Variants in TAB1 observed in about 807,000 individuals in gnomAD.
TAB1 encodes the protein TGF-beta activated kinase 1 (MAP3K7) binding protein 1, also known as TGF-beta-activated kinase 1 and MAP3K7-binding protein 1.
Under a neutral mutation model 54.5 loss-of-function variants are expected in TAB1, and 30 were observed. The observed-to-expected ratio is 0.55, with a 90% CI of 0.41 to 0.75. The LOEUF (loss-of-function observed/expected upper bound fraction) is 0.75, where lower values mean the gene tolerates loss of function less well. Ranked by LOEUF, TAB1 falls within the 30% of genes least tolerant of loss-of-function variation. The pLI is 0.00. For missense variants in TAB1, 609 were observed against 683.2 expected, an observed-to-expected ratio of 0.89 and a Z score of 1.21; for synonymous variants, 289 against 286.9, an observed-to-expected ratio of 1.01 and a Z score of -0.07.
chr22:39,399,785 C>G lies in TAB1; in HGVS notation c.-18C>G. ...TGCTCTGCGGGGAGGCGGGCGCTCC[C>G]GCAGGGGTTCCTCCAAGATGGCGGC... On this transcript the variant is annotated 5_prime_UTR_variant, in exon 1 of 11. Transcript: ENST00000216160. The G allele has an allele frequency of 6.3e-7, 1 of 1,583,846 alleles. No individual in the cohort carries two copies. The highest frequency in any genetic ancestry group is 8.6e-7 in the Non-Finnish European group (1 of 1,165,518).
rs1359172720 is a variant in TAB1 at position 39,403,917 on chromosome 22, T to G, written c.33+4082T>G. On this transcript the variant is annotated intron_variant, in intron 1 of 10. Coordinates refer to ENST00000216160, the MANE Select transcript of TAB1 (RefSeq NM_006116.3). Reference sequence around the variant, plus strand: ...CCTCGGCCTCCCAAAGTGCTGGGATTACAGGCGTGAGCCACCGTGCCCGGC... The same window carrying G: ...CCTCGGCCTCCCAAAGTGCTGGGATGACAGGCGTGAGCCACCGTGCCCGGC... Among the ~76,000 whole-genome samples, 3 of 152,138 alleles carry G rather than the reference T, an allele frequency of 2.0e-5. No homozygotes were observed. The East Asian group carries it at 5.8e-4, about 29-fold the overall frequency.
Position 39,430,629 on chromosome 22 carries a change from A to G in TAB1, c.*407A>G, listed in dbSNP as rs1233920561. On this transcript the variant is annotated 3_prime_UTR_variant, in exon 11 of 11. Transcript: ENST00000216160. ...CTGTCCCAAGCCCACCCCTCCTCCC[A>G]CCATCACCTCCCTCACCTCGGGACA... 7.2e-5 allele frequency: 65 copies of G among 901,348 alleles called. No homozygotes were observed. Among genetic ancestry groups the G allele is most frequent in the Non-Finnish European group, 8.9e-5 (64 of 720,954 alleles). The allele number at this position is 901,348 out of a possible 1,614,324, so 55.8% of individuals were successfully genotyped here. A position where few individuals can be genotyped will look rare whatever the true frequency, so the allele number is the denominator to read the frequency against.
At chr22:39,406,839 T>C (rs1926388452) in intron 1 of TAB1, among the ~76,000 whole-genome samples, 1 of 152,204 alleles carries the variant, frequency 6.6e-6, no homozygotes, top group Admixed American at 6.5e-5. Flanking sequence ...TTCACCGTGT[T>C]AGCCAGGATG....
downstream of TAB1, chr22:39,433,307 C>T (rs905551587): frequency 1.1e-5 from 9 of 797,918 alleles, no homozygotes; most frequent in South Asian, 1.1e-4. Flanking sequence ...AAAAGTTAGC[C>T]GGATGTGGTG....
chr22:39,433,054 C>G (rs767151362), downstream of TAB1: 2 of 985,438 alleles, frequency 2.0e-6, no homozygotes, highest in Non-Finnish European at 2.4e-6. Context: ...GTGGCCCTCT[C>G]CAGCCTGTCT....
At chr22:39,420,808 TGTGTGTGTGTTTGTC>T (rs1927042481) in intron 7 of TAB1, among the ~76,000 whole-genome samples, 5 of 148,342 alleles carry the variant, frequency 3.4e-5, no homozygotes, top group Non-Finnish European at 4.5e-5. Context: ...TGTGTGTGTG[TGTGTGTGTGTTTGTC>T]CTGGGGGCCA....
chr22:39,414,281 CAG>C (rs1188989908), intron 1 of TAB1, among the ~76,000 whole-genome samples: 1 of 152,082 alleles, frequency 6.6e-6, no homozygotes, highest in Non-Finnish European at 1.5e-5. Flanking sequence ...AGGCAAAGAG[CAG>C]GGGATGGACA....
rs771066613 is a variant in TAB1 at position 39,415,666 on chromosome 22, G to C, written c.324+13G>C. 2.5e-6 allele frequency: 4 copies of C among 1,601,756 alleles called. No individual in the cohort carries two copies. Among genetic ancestry groups the C allele is most frequent in the Non-Finnish European group, 2.5e-6 (3 of 1,177,116 alleles). ...TGTGCTGCTGCAGGTAATGGTGCCGGGGCCAACAGTGACCCAGCCACATCA... is the reference window on the plus strand; with the variant it reads ...TGTGCTGCTGCAGGTAATGGTGCCGCGGCCAACAGTGACCCAGCCACATCA... On this transcript the variant is annotated intron_variant, in intron 3 of 10. Coordinates refer to ENST00000216160, the MANE Select transcript of TAB1 (RefSeq NM_006116.3). The surrounding 1 kb of genome is among the most constrained non-coding windows in gnomAD (Gnocchi z 4.9).
intron 1 of TAB1, among the ~76,000 whole-genome samples, chr22:39,400,536 T>C (rs1601678871): frequency 6.6e-6 from 1 of 152,234 alleles, no homozygotes; most frequent in Admixed American, 6.5e-5. Context: ...GTCTTCAGAC[T>C]CATCCCTACC....
intron 1 of TAB1, among the ~76,000 whole-genome samples, chr22:39,409,757 A>G (rs1306934477): frequency 6.6e-6 from 1 of 151,984 alleles, no homozygotes; most frequent in East Asian, 1.9e-4. Context: ...GCTGTGTCCC[A>G]TTACCATGGT....
intron 1 of TAB1, among the ~76,000 whole-genome samples, chr22:39,409,508 C>T (rs919588350): frequency 3.9e-5 from 6 of 152,340 alleles, no homozygotes; most frequent in South Asian, 2.1e-4. Flanking sequence ...CGGCATGGAG[C>T]GTCTTTCCCC....
rs963663138 is a variant in TAB1, at chr22:39,399,849, C to T, written c.33+14C>T. The T allele has an allele frequency of 3.1e-6, 5 of 1,593,134 alleles. No individual in the cohort carries two copies. The African/African-American group carries it at 5.4e-5, about 17-fold the overall frequency. On this transcript the variant is annotated intron_variant, in intron 1 of 10. Coordinates refer to ENST00000216160, the MANE Select transcript of TAB1 (RefSeq NM_006116.3). ...TTGCTGCAGAGTGTGAGGAACAGGC[C>T]CGCTCTCTGGGCTTGGGGTTGGGAG...
rs1454440169 is a variant in TAB1 at position 39,417,697 on chromosome 22, G to T, written c.412-14G>T. ...GAGTTCTGTCCTGCCCTGACCCTCT[G>T]TTGATGGTTGTAGGGAGTCCCTCAG... On this transcript the variant is annotated splice_polypyrimidine_tract_variant and intron_variant, in intron 4 of 10. Transcript: ENST00000216160. 1 of 1,599,162 alleles carries T rather than the reference G, an allele frequency of 6.3e-7. No individual in the cohort carries two copies. Among genetic ancestry groups the T allele is most frequent in the African/African-American group, 1.3e-5 (1 of 74,394 alleles).
rs1194441495 is a variant in TAB1, at chr22:39,406,776, G to C, written c.33+6941G>C. Among the ~76,000 whole-genome samples, 6 of 152,220 alleles carry C rather than the reference G, an allele frequency of 3.9e-5. No individual in the cohort carries two copies. The East Asian group carries it at 1.2e-3, about 29-fold the overall frequency. Reference sequence around the variant, plus strand: ...GCCTCTGGAGTAGCTGGGACTACAGGCACCCACCACCACGCCCACCTAATT... The same window carrying C: ...GCCTCTGGAGTAGCTGGGACTACAGCCACCCACCACCACGCCCACCTAATT... On this transcript the variant is annotated intron_variant, in intron 1 of 10. Transcript: ENST00000216160.
chr22:39,426,864 A>G lies in TAB1; in HGVS notation c.1083A>G (p.Leu361=), dbSNP rs1235249480. The change falls in exon 9 of 11, where the codon CTA becomes CTG. Residue 361 remains leucine (L), a synonymous_variant. Coordinates refer to ENST00000216160, the MANE Select transcript of TAB1 (RefSeq NM_006116.3). ...FCPRHEDMTL[L]VRNFGYPLGE... is the part of the protein sequence containing the mutation. The stretch of plus-strand genomic sequence containing the variant: ...CCCGGCACGAGGACATGACCCTGCT[A>G]GTGAGGAACTTTGGCTACCCGCTGG... 1.2e-6 allele frequency: 2 copies of G among 1,613,282 alleles called. No individual in the cohort carries two copies. The highest frequency in any genetic ancestry group is 2.7e-5 in the African/African-American group (2 of 74,944).
At chr22:39,428,535 G>A (rs1407124185) in intron 10 of TAB1, among the ~76,000 whole-genome samples, 1 of 152,220 alleles carries the variant, frequency 6.6e-6, no homozygotes, top group African/African-American at 2.4e-5. Flanking sequence ...GCTTGTCAGA[G>A]CCCATGCTTT....
At chr22:39,407,553 G>A (rs1926419599) in intron 1 of TAB1, among the ~76,000 whole-genome samples, 1 of 151,298 alleles carries the variant, frequency 6.6e-6, no homozygotes, top group African/African-American at 2.4e-5. Context: ...GCGTGATCTC[G>A]GCTCACTGCA....
chr22:39,416,934 G>C (rs1231031293), intron 4 of TAB1, 57 bp downstream of exon 4: 1 of 1,538,286 alleles, frequency 6.5e-7, no homozygotes, highest in South Asian at 1.1e-5. Flanking sequence ...TTTGCAAGGA[G>C]CATGGACTCA....
downstream of TAB1, among the ~76,000 whole-genome samples, chr22:39,435,900 G>A (rs1030780545): frequency 1.3e-5 from 2 of 152,148 alleles, no homozygotes; most frequent in African/African-American, 4.8e-5. Context: ...CCCACCTCCC[G>A]GGTGCCCCTG....
Sources: gnomAD v4.1 joint callset for allele counts (sites outside exome capture counted in the v4.1 genomes callset) on GRCh38, gnomAD v4.1.1 for gene constraint, Gnocchi (gnomAD v3.1) non-coding constraint, MANE v1.5 for transcripts, NCBI Gene and HGNC (gene_info 2026-07-23, HGNC 2026-07-21) for gene names.